The following FLRT3 variants were observed in gnomAD, a reference collection of about 807,000 sequenced individuals.
The protein encoded by FLRT3 is leucine-rich repeat transmembrane protein FLRT3.
In FLRT3, 17 loss-of-function variants were observed where a neutral mutation model predicts 42.6. The observed-to-expected ratio is 0.40, with a 90% CI of 0.27 to 0.60. The LOEUF (loss-of-function observed/expected upper bound fraction) is 0.60. Ranked by LOEUF, FLRT3 falls within the 20% of genes least tolerant of loss-of-function variation. The pLI is 0.44. For missense variants in FLRT3, 635 were observed against 789.2 expected (o/e 0.80, Z 2.34); for synonymous variants, 279 against 286.4 (o/e 0.97, Z 0.26).
intron 1 of FLRT3, among the ~76,000 whole-genome samples, chr20:14,335,309 T>C (rs146436255): frequency 2.4e-4 from 36 of 152,310 alleles, no homozygotes; most frequent in East Asian, 1.2e-3. Flanking sequence ...TTGGGCAATA[T>C]AGTCTAGAGA....
chr20:14,333,237 A>G (rs769809429), intron 1 of FLRT3, among the ~76,000 whole-genome samples: 3 of 152,202 alleles, frequency 2.0e-5, no homozygotes, highest in Non-Finnish European at 4.4e-5. Flanking sequence ...AATAGAGGAT[A>G]AAATTTCCAA....
rs370544318 is a variant in FLRT3, at chr20:14,327,543, C to A, written c.-37G>T. 27 of 1,562,364 alleles carry A rather than the reference C, an allele frequency of 1.7e-5. No homozygotes were observed. In the African/African-American group the frequency reaches 2.9e-4, roughly 17 times the overall value. On this transcript the variant is annotated 5_prime_UTR_variant, in exon 3 of 3. Coordinates refer to ENST00000341420, the MANE Select transcript of FLRT3 (RefSeq NM_198391.3). Reference sequence around the variant, plus strand: ...TTGAGGTCTTTATACAAGGTAGCTTCCGTTACTTCAGAACCCTAAAATGAA... The same window carrying A: ...TTGAGGTCTTTATACAAGGTAGCTTACGTTACTTCAGAACCCTAAAATGAA...
chr20:14,334,629 A>G (rs1170354419), intron 1 of FLRT3, among the ~76,000 whole-genome samples: 2 of 140,532 alleles, frequency 1.4e-5, no homozygotes, highest in African/African-American at 5.2e-5. Flanking sequence ...CCCGTTGAGA[A>G]GAACAGTGAA....
chr20:14,332,224 G>A (rs1170421810), intron 1 of FLRT3, among the ~76,000 whole-genome samples: 1 of 151,918 alleles, frequency 6.6e-6, no homozygotes, highest in African/African-American at 2.4e-5. Flanking sequence ...CATTTATAAT[G>A]TAATCATCAA....
At chr20:14,328,163 G>T (rs892954110) in intron 2 of FLRT3, among the ~76,000 whole-genome samples, 4 of 151,868 alleles carry the variant, frequency 2.6e-5, no homozygotes, top group Admixed American at 6.6e-5. Context: ...ATTTTCTTTG[G>T]TTATTAATTT....
chr20:14,332,013 A>G (rs905211080), intron 1 of FLRT3, among the ~76,000 whole-genome samples: 1 of 152,132 alleles, frequency 6.6e-6, no homozygotes, highest in Non-Finnish European at 1.5e-5. Context: ...CTTGGGAGGA[A>G]AACATAAATG....
intron 1 of FLRT3, among the ~76,000 whole-genome samples, chr20:14,330,584 A>G (rs905546580): frequency 6.6e-6 from 1 of 152,114 alleles, no homozygotes; most frequent in Non-Finnish European, 1.5e-5. Flanking sequence ...CAACATGGTC[A>G]TAGGCTATAT....
intron 1 of FLRT3, among the ~76,000 whole-genome samples, chr20:14,332,205 G>GT (rs1251463813): frequency 3.9e-5 from 6 of 151,902 alleles, no homozygotes; most frequent in African/African-American, 9.7e-5. Flanking sequence ...AAATTGTGGG[G>GT]TTTTTTTGCA....
chr20:14,324,510 G>C lies in FLRT3; in HGVS notation c.*1047C>G, dbSNP rs1160767098. 1 of 152,428 alleles carries C rather than the reference G, an allele frequency of 6.6e-6. No individual in the cohort carries two copies. Among genetic ancestry groups the C allele is most frequent in the Non-Finnish European group, 1.5e-5 (1 of 67,984 alleles). 9.4% of individuals were successfully genotyped at this position (152,428 alleles called of 1,614,324 possible). On this transcript the variant is annotated 3_prime_UTR_variant, in exon 3 of 3. Coordinates refer to ENST00000341420, the MANE Select transcript of FLRT3 (RefSeq NM_198391.3). ...TTTGACATAAACCAGATCTAAATTT[G>C]ATGTCTAGTATTTATTTTTCTTTAA...
At position 14,325,119 on chromosome 20, in the gene FLRT3, T is replaced by A. The variant is rs925245890; in HGVS notation, c.*438A>T. ...CTCATTCAGCCATTCAGCCAGTTTT[T>A]TTTTTTTACATTTTATTAATACCAA... On this transcript the variant is annotated 3_prime_UTR_variant, in exon 3 of 3. Coordinates refer to ENST00000341420, the MANE Select transcript of FLRT3 (RefSeq NM_198391.3). 6.5e-6 allele frequency: 1 copy of A among 152,984 alleles called. No homozygotes were observed. The highest frequency in any genetic ancestry group is 2.1e-4 in the South Asian group (1 of 4,840). 9.5% of individuals were successfully genotyped at this position (152,984 alleles called of 1,614,324 possible).
chr20:14,328,333 A>G (rs2082772101), intron 2 of FLRT3, among the ~76,000 whole-genome samples: 1 of 152,024 alleles, frequency 6.6e-6, no homozygotes, highest in Admixed American at 6.6e-5. Flanking sequence ...ATTTTGTTAT[A>G]TGTTTCATAC....
At chr20:14,327,586 G>A (rs1441565276) in intron 2 of FLRT3, 28 bp from the exon 3 acceptor site, 39 of 1,443,884 alleles carry the variant, frequency 2.7e-5, no homozygotes, top group Non-Finnish European at 3.4e-5. Flanking sequence ...AAAAAAGACA[G>A]AAAACAATAA....
Position 14,327,280 on chromosome 20 carries a change from G to A in FLRT3, c.227C>T (p.Pro76Leu). 7 of 1,613,796 alleles carry A rather than the reference G, an allele frequency of 4.3e-6. No individual in the cohort carries two copies. The highest frequency in any genetic ancestry group is 5.9e-6 in the Non-Finnish European group (7 of 1,179,760). ...TTTCAGCAAGTTTTTCAAATCTGAA[G>A]GAATCCCAGCATTATTTATTTGGTT... is the stretch of plus-strand genomic sequence containing the variant. The part of the protein sequence containing the change: ...QNNQINNAGI[P>L]SDLKNLLKVE... The change falls in exon 3 of 3, where the codon CCT becomes CTT. Residue 76 changes from proline to leucine, a missense_variant. Coordinates refer to ENST00000341420, the MANE Select transcript of FLRT3 (RefSeq NM_198391.3).
chr20:14,326,075 A>G lies in FLRT3; in HGVS notation c.1432T>C (p.Cys478Arg). The G allele has an allele frequency of 6.2e-7, 1 of 1,613,956 alleles. No homozygotes were observed. Among genetic ancestry groups the G allele is most frequent in the Non-Finnish European group, 8.5e-7 (1 of 1,179,900 alleles). Reference protein sequence around the residue: ...ALEPDSPYKVCMVPMETSNLY... With the variant: ...ALEPDSPYKVRMVPMETSNLY... ...TTGCTGGTTTCCATGGGAACCATGC[A>G]TACTTTATAGGGTGAATCAGGCTCC... The change falls in exon 3 of 3, where the codon TGC (cysteine) becomes CGC (arginine). Residue 478 changes from cysteine to arginine, a missense_variant. Transcript: ENST00000341420. The surrounding 1 kb of genome is among the most constrained non-coding windows in gnomAD (Gnocchi z 5.5).
chr20:14,330,701 A>G (rs1215316328), intron 1 of FLRT3, among the ~76,000 whole-genome samples: 2 of 152,112 alleles, frequency 1.3e-5, no homozygotes, highest in Non-Finnish European at 2.9e-5. Flanking sequence ...TCTAGTGAAT[A>G]TTGCAAAGTG....
chr20:14,328,272 C>A (rs1470040953), intron 2 of FLRT3, among the ~76,000 whole-genome samples: 1 of 152,082 alleles, frequency 6.6e-6, no homozygotes, highest in African/African-American at 2.4e-5. Flanking sequence ...ATCCAGCTAA[C>A]CTAAGTGGAA....
rs1004843677 is a variant in FLRT3, at chr20:14,325,242, T to A, written c.*315A>T. On this transcript the variant is annotated 3_prime_UTR_variant, in exon 3 of 3. Transcript: ENST00000341420. ...AAAATTCACTTTCACAGTCAACAAGTCATCTTACTCAGTAGAACACAAAGT... is the reference window on the plus strand; with the variant it reads ...AAAATTCACTTTCACAGTCAACAAGACATCTTACTCAGTAGAACACAAAGT... 4 of 193,924 alleles carry A rather than the reference T, an allele frequency of 2.1e-5. No individual in the cohort carries two copies. The highest frequency in any genetic ancestry group is 4.2e-5 in the Non-Finnish European group (4 of 95,934). 12.0% of individuals were successfully genotyped at this position (193,924 alleles called of 1,614,324 possible).
At chr20:14,329,497 C>G (rs2082795741) in intron 1 of FLRT3, among the ~76,000 whole-genome samples, 170 bp from the exon 2 acceptor site, 1 of 151,948 alleles carries the variant, frequency 6.6e-6, no homozygotes, top group Admixed American at 6.6e-5. Context: ...TTTTCTTATA[C>G]AAATAAAGTA....
At chr20:14,337,168 A>G (rs185371274) in intron 1 of FLRT3, among the ~76,000 whole-genome samples, 81 of 152,322 alleles carry the variant, frequency 5.3e-4, no homozygotes, top group Non-Finnish European at 8.8e-5. Context: ...CTCAAGACAG[A>G]AAATAGCCAC....
Sources: gnomAD v4.1 joint callset for allele counts (sites outside exome capture counted in the v4.1 genomes callset) on GRCh38, gnomAD v4.1.1 for gene constraint, Gnocchi (gnomAD v3.1) non-coding constraint, MANE v1.5 for transcripts, NCBI Gene and HGNC (gene_info 2026-07-23, HGNC 2026-07-21) for gene names.